Variants in RGS3 observed in about 807,000 individuals in gnomAD.
RGS3 encodes regulator of G-protein signalling 3.
Under a neutral mutation model 132.6 loss-of-function variants are expected in RGS3, and 80 were observed. That is an observed-to-expected ratio of 0.60 (90% CI 0.50 to 0.73). The LOEUF (loss-of-function observed/expected upper bound fraction) is 0.73. Ranked by LOEUF, RGS3 falls within the 30% of genes least tolerant of loss-of-function variation. RGS3 has a pLI of 0.00. For missense variants in RGS3, 1,382 were observed against 1,530.8 expected (o/e 0.90, Z 1.62); for synonymous variants, 598 against 620.6 (o/e 0.96, Z 0.54).
chr9:113,593,699 G>A (rs1014968601), intron 21 of RGS3: 11 of 577,594 alleles, frequency 1.9e-5, no homozygotes, highest in African/African-American at 9.4e-5. Context: ...AAAGAGGGGC[G>A]AACATGAGCA....
chr9:113,533,347 C>T (rs1044875578), intron 18 of RGS3, among the ~76,000 whole-genome samples: 13 of 152,024 alleles, frequency 8.6e-5, no homozygotes, highest in Admixed American at 2.0e-4. Context: ...TCTCCTGCCC[C>T]AGCCTCCCAA....
chr9:113,574,442 T>C (rs1834422308), intron 19 of RGS3, among the ~76,000 whole-genome samples: 1 of 152,198 alleles, frequency 6.6e-6, no homozygotes, highest in Non-Finnish European at 1.5e-5. Context: ...ACCTGGCATC[T>C]CCAAGGCAGA....
intron 1 of RGS3, among the ~76,000 whole-genome samples, chr9:113,445,283 C>T (rs1245512554): frequency 3.3e-5 from 5 of 151,882 alleles, no homozygotes; most frequent in African/African-American, 7.3e-5. Flanking sequence ...CCGAAACCTC[C>T]GCCTCCCGGG....
chr9:113,497,722 C>T (rs1830732845), intron 9 of RGS3, among the ~76,000 whole-genome samples: 1 of 152,196 alleles, frequency 6.6e-6, no homozygotes, highest in African/African-American at 2.4e-5. Context: ...AGGGATCCCC[C>T]AGGCTGCCTT....
At chr9:113,574,354 T>G (rs925342231) in intron 19 of RGS3, among the ~76,000 whole-genome samples, 1 of 152,148 alleles carries the variant, frequency 6.6e-6, no homozygotes, top group Non-Finnish European at 1.5e-5. Context: ...TATTACCTCC[T>G]CCCAGAGCCA....
In RGS3 at chr9:113,523,082, GC is replaced by G. The variant is rs1832036422; in HGVS notation, c.1870+45del. 2.3e-6 allele frequency: 3 copies of G among 1,322,346 alleles called. No individual in the cohort carries two copies. In the East Asian group the frequency reaches 6.9e-5, roughly 30 times the overall value. The allele number at this position is 1,322,346 out of a possible 1,614,324, so 81.9% of individuals were successfully genotyped here. A position where few individuals can be genotyped will look rare whatever the true frequency, so the allele number is the denominator to read the frequency against. ...AGGTGCCCAGAGCCCCTCTCAACTT[GC>G]CCCAGTCCCACTGCTCTGGGCAGCC... On this transcript the variant is annotated intron_variant, in intron 17 of 24. Transcript: ENST00000350696.
intron 3 of RGS3, among the ~76,000 whole-genome samples, chr9:113,472,987 G>A (rs1403975095): frequency 1.3e-5 from 2 of 152,192 alleles, no homozygotes; most frequent in African/African-American, 4.8e-5. Context: ...GTTACAGTGA[G>A]CTGAGATCAT....
At chr9:113,517,358 C>G (rs2119382898) in intron 15 of RGS3, 183 bp from the exon 14 acceptor site, 1 of 694,308 alleles carries the variant, frequency 1.4e-6, no homozygotes, top group Non-Finnish European at 2.6e-6. Context: ...ACAGCAGCGT[C>G]TCTCTTTCTG....
chr9:113,569,225 G>A (rs573641411), intron 19 of RGS3, among the ~76,000 whole-genome samples: 20 of 152,306 alleles, frequency 1.3e-4, no homozygotes, highest in African/African-American at 4.8e-4. Flanking sequence ...GGTGTCCTCA[G>A]TTACCTCTTA....
At chr9:113,514,718 C>T in intron 15 of RGS3, 64 bp downstream of exon 13, 1 of 1,532,192 alleles carries the variant, frequency 6.5e-7, no homozygotes, top group Non-Finnish European at 8.9e-7. Flanking sequence ...GGGCCCTTGC[C>T]CCAGGACTCA....
At chr9:113,594,271 A>G in intron 21 of RGS3, 159 bp from the exon 20 acceptor site, 2 of 1,608,814 alleles carry the variant, frequency 1.2e-6, no homozygotes, top group Non-Finnish European at 1.7e-6. Context: ...GGGGGGCCCT[A>G]CAGAGATGCT....
At chr9:113,470,301 T>C (rs983494510) in intron 3 of RGS3, among the ~76,000 whole-genome samples, 1 of 152,234 alleles carries the variant, frequency 6.6e-6, no homozygotes, top group African/African-American at 2.4e-5. Flanking sequence ...TTCCGTATCC[T>C]TGTTGATTTT....
chr9:113,495,006 C>G (rs538427604), intron 7 of RGS3, among the ~76,000 whole-genome samples: 2 of 152,226 alleles, frequency 1.3e-5, no homozygotes, highest in East Asian at 1.9e-4. Context: ...TCCTGAGTAG[C>G]TAGGATTATA....
intron 19 of RGS3, among the ~76,000 whole-genome samples, chr9:113,567,655 C>T (rs774413248): frequency 3.9e-5 from 6 of 152,086 alleles, no homozygotes; most frequent in African/African-American, 1.2e-4. Context: ...TTCATCCTGG[C>T]GGAGACCATA....
At chr9:113,554,010 TAGG>T (rs1390711506) in intron 19 of RGS3, among the ~76,000 whole-genome samples, 2 of 152,362 alleles carry the variant, frequency 1.3e-5, no homozygotes, top group Non-Finnish European at 2.9e-5. Flanking sequence ...ACTTTTCTGT[TAGG>T]AGAGAGTGTG....
At chr9:113,492,559 AG>A (rs1830554465) in intron 7 of RGS3, among the ~76,000 whole-genome samples, 1 of 152,212 alleles carries the variant, frequency 6.6e-6, no homozygotes, top group African/African-American at 2.4e-5. Flanking sequence ...CCATTTGTCA[AG>A]CCTTCACTAA....
At chr9:113,484,328 A>C (rs1830258885) in intron 6 of RGS3, 96 bp downstream of exon 4, 1 of 224,004 alleles carries the variant, frequency 4.5e-6, no homozygotes, top group Non-Finnish European at 8.0e-6. Context: ...AGATCTATGC[A>C]AAAAAAAAAA....
chr9:113,528,681 T>C (rs1236297709), intron 17 of RGS3, among the ~76,000 whole-genome samples: 2 of 152,112 alleles, frequency 1.3e-5, no homozygotes, highest in East Asian at 1.9e-4. Flanking sequence ...TAGGAGGCTA[T>C]AGGAAAACAT....
In RGS3 at chr9:113,483,123, T is replaced by C; in HGVS notation, c.525+6T>C. 6.3e-7 allele frequency: 1 copy of C among 1,597,828 alleles called. No homozygotes were observed. Among genetic ancestry groups the C allele is most frequent in the South Asian group, 1.1e-5 (1 of 90,524 alleles). ...CCTGTGATCCGTATGTGAAGGTATG[T>C]GGTGGGGCCGGAGATGGAGAGTGGG... On this transcript the variant is annotated splice_donor_region_variant and intron_variant, in intron 5 of 24. Coordinates refer to ENST00000350696, the Ensembl canonical transcript of RGS3.
Sources: gnomAD v4.1 joint callset for allele counts (sites outside exome capture counted in the v4.1 genomes callset) on GRCh38, gnomAD v4.1.1 for gene constraint, MANE v1.5 for transcripts, NCBI Gene and HGNC (gene_info 2026-07-23, HGNC 2026-07-21) for gene names.